The following PSD3 variants were observed in gnomAD, a reference collection of about 807,000 sequenced individuals.
The protein encoded by PSD3 is pleckstrin and Sec7 domain containing 3.
PSD3 carries 49 observed loss-of-function variants against 105.5 expected under a neutral mutation model. The ratio of observed to expected loss-of-function variants is 0.46; its 90% CI spans 0.37 to 0.59. The LOEUF is 0.59. PSD3 is among the 20% of genes least tolerant of loss of function. The pLI is 0.00. For synonymous variants in PSD3, 557 were observed against 457.8 expected (o/e 1.22, Z -2.77); for missense variants, 1,561 against 1,263.8 (o/e 1.24, Z -3.57).
intron 1 of PSD3, among the ~76,000 whole-genome samples, chr8:19,050,786 T>A (rs897511217): frequency 1.3e-5 from 2 of 152,006 alleles, no homozygotes; most frequent in Admixed American, 1.3e-4. Context: ...TGTATACATA[T>A]GTAACTAACC....
intron 1 of PSD3, among the ~76,000 whole-genome samples, chr8:19,033,933 C>G (rs1182090111): frequency 1.3e-5 from 2 of 152,100 alleles, no homozygotes; most frequent in East Asian, 3.9e-4. Flanking sequence ...TCATTGCCCT[C>G]TCACTGATAG....
intron 1 of PSD3, among the ~76,000 whole-genome samples, chr8:19,047,380 C>A (rs1035294702): frequency 1.3e-5 from 2 of 152,134 alleles, no homozygotes; most frequent in African/African-American, 4.8e-5. Flanking sequence ...CCACAAGATG[C>A]TCATTTATTA....
chr8:18,572,157 C>T (rs922876935), intron 14 of PSD3, among the ~76,000 whole-genome samples: 3 of 152,114 alleles, frequency 2.0e-5, no homozygotes, highest in African/African-American at 7.2e-5. Flanking sequence ...TAAACACATC[C>T]TGGAATATGG....
chr8:18,706,969 T>C (rs1801941597), intron 9 of PSD3, among the ~76,000 whole-genome samples: 1 of 152,236 alleles, frequency 6.6e-6, no homozygotes, highest in Non-Finnish European at 1.5e-5. Context: ...GCAAAGATTC[T>C]TGACTACTAA....
At chr8:18,964,519 T>C (rs2129471440) in intron 1 of PSD3, among the ~76,000 whole-genome samples, 1 of 152,294 alleles carries the variant, frequency 6.6e-6, no homozygotes, top group Non-Finnish European at 1.5e-5. Flanking sequence ...CATTTTTTTT[T>C]TTTACTTCAA....
intron 1 of PSD3, among the ~76,000 whole-genome samples, chr8:19,040,698 C>G (rs1746501897): frequency 6.6e-6 from 1 of 152,128 alleles, no homozygotes; most frequent in African/African-American, 2.4e-5. Flanking sequence ...GGTGAGAGAT[C>G]ACAGTGGCTT....
chr8:18,770,788 G>T (rs1410549006), intron 8 of PSD3, among the ~76,000 whole-genome samples: 8 of 152,206 alleles, frequency 5.3e-5, no homozygotes, highest in Non-Finnish European at 1.5e-5. Context: ...TGGGTGAGAT[G>T]GCTGCCTTCT....
intron 1 of PSD3, among the ~76,000 whole-genome samples, chr8:18,943,498 A>G (rs1237252393): frequency 1.3e-5 from 2 of 152,216 alleles, no homozygotes; most frequent in Non-Finnish European, 2.9e-5. Context: ...AGGAGACCAC[A>G]GGAAAACCTG....
intron 9 of PSD3, among the ~76,000 whole-genome samples, chr8:18,711,546 C>T (rs1467563331): frequency 4.6e-5 from 7 of 152,064 alleles, no homozygotes; most frequent in African/African-American, 7.2e-5. Flanking sequence ...CCTCACATAA[C>T]GGTAAAGGAT....
chr8:18,670,692 G>A (rs1204053221), intron 9 of PSD3, among the ~76,000 whole-genome samples: 2 of 152,156 alleles, frequency 1.3e-5, no homozygotes, highest in Admixed American at 6.5e-5. Context: ...AGCTAAGAAG[G>A]AGGTAAATAC....
intron 1 of PSD3, among the ~76,000 whole-genome samples, chr8:19,071,092 T>C (rs10110953): frequency 0.37 from 56,562 of 151,460 alleles, 10,838 homozygotes; most frequent in South Asian, 0.49. Flanking sequence ...TGGAGTCTTG[T>C]ACTGTTGCCC....
At chr8:18,773,539 G>C (rs112420098) in intron 8 of PSD3, among the ~76,000 whole-genome samples, 1,699 of 152,092 alleles carry the variant, frequency 0.011, 28 homozygotes, top group African/African-American at 0.04. Context: ...GATAGTAATC[G>C]TGTTGAATCT....
rs369914148 is a variant in PSD3 at position 18,799,476 on chromosome 8, C to A, written c.2024-123G>T. On this transcript the variant is annotated intron_variant, in intron 7 of 15. Coordinates refer to ENST00000327040, the MANE Select transcript of PSD3 (RefSeq NM_015310.4). ...CAGTACTGTGCTAGGTACAATTAGTCCTGTTTTAAGAAACAAAAAATGGAT... is the reference window on the plus strand; with the variant it reads ...CAGTACTGTGCTAGGTACAATTAGTACTGTTTTAAGAAACAAAAAATGGAT... 9.2e-5 allele frequency: 69 copies of A among 751,572 alleles called. No homozygotes were observed. The African/African-American group carries it at 1.1e-3, about 12-fold the overall frequency. 46.6% of individuals were successfully genotyped at this position (751,572 alleles called of 1,614,324 possible).
At chr8:19,067,132 T>C (rs911257968) in intron 1 of PSD3, among the ~76,000 whole-genome samples, 1 of 152,204 alleles carries the variant, frequency 6.6e-6, no homozygotes, top group Non-Finnish European at 1.5e-5. Context: ...TTAAAAAAAT[T>C]GATCAGTTTG....
chr8:19,060,930 G>A (rs1320363245), intron 1 of PSD3, among the ~76,000 whole-genome samples: 1 of 152,152 alleles, frequency 6.6e-6, no homozygotes, highest in South Asian at 2.1e-4. Context: ...GGTAACAACA[G>A]CCCCCTTGTT....
chr8:18,781,355 G>A (rs577846528), intron 8 of PSD3, among the ~76,000 whole-genome samples: 1 of 152,214 alleles, frequency 6.6e-6, no homozygotes, highest in East Asian at 1.9e-4. Flanking sequence ...CTAGGTCTTG[G>A]GAGTAAAGGC....
intron 9 of PSD3, among the ~76,000 whole-genome samples, chr8:18,722,207 A>G (rs1179379279): frequency 6.6e-6 from 1 of 152,050 alleles, no homozygotes; most frequent in African/African-American, 2.4e-5. Flanking sequence ...GGTGGGAGTA[A>G]TATGTCAGTG....
intron 10 of PSD3, among the ~76,000 whole-genome samples, chr8:18,638,709 C>T (rs1428576028): frequency 1.3e-5 from 2 of 151,900 alleles, no homozygotes; most frequent in Non-Finnish European, 2.9e-5. Flanking sequence ...AACCAAATTC[C>T]AATGTCATTT....
chr8:18,946,347 G>A (rs1052968553), intron 1 of PSD3, among the ~76,000 whole-genome samples: 1 of 152,084 alleles, frequency 6.6e-6, no homozygotes, highest in Non-Finnish European at 1.5e-5. Context: ...AGGTCAAACT[G>A]AGAGGATTGC....
Sources: allele counts gnomAD v4.1 joint callset (sites outside exome capture counted in the v4.1 genomes callset), GRCh38; gene constraint gnomAD v4.1.1; transcripts MANE v1.5; gene names NCBI Gene and HGNC (gene_info 2026-07-23, HGNC 2026-07-21).